The following AGMO variants were observed in gnomAD, a reference collection of about 807,000 sequenced individuals.
AGMO encodes glyceryl-ether monooxygenase.
AGMO carries 75 observed loss-of-function variants against 60.2 expected under a neutral mutation model. That is an observed-to-expected ratio of 1.25 (90% confidence interval 1.03 to 1.51). The LOEUF (loss-of-function observed/expected upper bound fraction) is 1.51, where lower values mean the gene tolerates loss of function less well. Among genes scored for constraint, AGMO ranks in the 40% most tolerant of loss-of-function variants. AGMO has a pLI of 0.00. For synonymous variants in AGMO, 261 were observed against 177.1 expected (o/e 1.47, Z -3.76); for missense variants, 763 against 525.5 (o/e 1.45, Z -4.42).
rs1415535257 is a variant in AGMO, at chr7:15,354,357, C to CGTGTGTATATAGAT, written c.1263+11156_1263+11157insATCTATATACACAC. On this transcript the variant is annotated intron_variant, in intron 12 of 12. Transcript: ENST00000342526. ...GTGTATATACACGCGTGTATATAGA[C>CGTGTGTATATAGAT]GTGTGTATATAGACGTGTGTATACA... Among the ~76,000 whole-genome samples, 3 of 74,682 alleles carry CGTGTGTATATAGAT rather than the reference C, an allele frequency of 4.0e-5. 1 individual carries two copies. Among genetic ancestry groups the CGTGTGTATATAGAT allele is most frequent in the African/African-American group, 1.4e-4 (2 of 14,206 alleles). The allele number at this position is 74,682 out of a possible 152,430, so 49.0% of individuals were successfully genotyped here. A position where few individuals can be genotyped will look rare whatever the true frequency, so the allele number is the denominator to read the frequency against.
chr7:15,439,482 C>G (rs1781491232), intron 3 of AGMO, among the ~76,000 whole-genome samples: 1 of 152,200 alleles, frequency 6.6e-6, no homozygotes, highest in Non-Finnish European at 1.5e-5. Context: ...TCATTCTTCA[C>G]TTTGTACTCT....
At chr7:15,256,760 G>A (rs1022802429) in intron 12 of AGMO, among the ~76,000 whole-genome samples, 2 of 152,136 alleles carry the variant, frequency 1.3e-5, no homozygotes, top group Non-Finnish European at 2.9e-5. Flanking sequence ...TGTCGCCTGG[G>A]AGCAATAGGC....
chr7:15,313,181 G>A (rs1780818372), intron 12 of AGMO, among the ~76,000 whole-genome samples: 1 of 152,122 alleles, frequency 6.6e-6, no homozygotes, highest in Non-Finnish European at 1.5e-5. Context: ...TCGATGTTTT[G>A]TAACAATAAA....
At chr7:15,500,250 C>A (rs1783346169) in intron 3 of AGMO, among the ~76,000 whole-genome samples, 1 of 151,720 alleles carries the variant, frequency 6.6e-6, no homozygotes, top group Non-Finnish European at 1.5e-5. Context: ...TAAACTGAGT[C>A]TTTTGAGTGT....
chr7:15,290,902 T>C (rs1393355334), intron 12 of AGMO, among the ~76,000 whole-genome samples: 1 of 152,194 alleles, frequency 6.6e-6, no homozygotes, highest in African/African-American at 2.4e-5. Context: ...TCAATTTATT[T>C]TTCCAGGGGT....
the AGMO span, among the ~76,000 whole-genome samples, chr7:15,170,123 G>A: frequency 6.6e-6 from 1 of 152,184 alleles, no homozygotes; most frequent in Non-Finnish European, 1.5e-5. Context: ...TGTAATTAAT[G>A]CTGACATCTG....
intron 3 of AGMO, among the ~76,000 whole-genome samples, chr7:15,508,406 A>G (rs904911578): frequency 3.3e-5 from 5 of 152,158 alleles, no homozygotes; most frequent in African/African-American, 1.2e-4. Flanking sequence ...ATCGGAGGCT[A>G]TAGTGGGTTG....
chr7:15,506,740 A>G (rs1783521489), intron 3 of AGMO, among the ~76,000 whole-genome samples: 1 of 152,024 alleles, frequency 6.6e-6, no homozygotes, highest in Admixed American at 6.6e-5. Context: ...GAAGATTCAG[A>G]TAAAAGTGGG....
chr7:15,476,756 T>C (rs994375666), intron 3 of AGMO, among the ~76,000 whole-genome samples: 8 of 152,110 alleles, frequency 5.3e-5, no homozygotes, highest in Non-Finnish European at 1.2e-4. Flanking sequence ...CCAAATATTA[T>C]GAAACACGGG....
At chr7:15,413,245 A>T (rs1040848484) in intron 5 of AGMO, among the ~76,000 whole-genome samples, 1 of 152,204 alleles carries the variant, frequency 6.6e-6, no homozygotes, top group Non-Finnish European at 1.5e-5. Flanking sequence ...AGTAGGTAAA[A>T]GATTAAATAA....
chr7:15,485,594 A>T (rs1483568505), intron 3 of AGMO, among the ~76,000 whole-genome samples: 5 of 152,150 alleles, frequency 3.3e-5, no homozygotes, highest in Non-Finnish European at 7.4e-5. Flanking sequence ...CCATTTCTTC[A>T]AGCATAACAG....
intron 12 of AGMO, among the ~76,000 whole-genome samples, chr7:15,357,702 G>A (rs60762586): frequency 0.034 from 5,108 of 152,210 alleles, 321 homozygotes; most frequent in African/African-American, 0.12. Flanking sequence ...GAGGCTATGC[G>A]GACAGAAAAC....
At chr7:15,363,457 TTCC>T (rs1278852802) in intron 12 of AGMO, among the ~76,000 whole-genome samples, 13 of 152,182 alleles carry the variant, frequency 8.5e-5, no homozygotes, top group Non-Finnish European at 1.6e-4. Context: ...GATGTTATAC[TTCC>T]TCCTTTTACA....
At chr7:15,344,410 G>A (rs750683952) in intron 12 of AGMO, among the ~76,000 whole-genome samples, 38 of 152,144 alleles carry the variant, frequency 2.5e-4, no homozygotes, top group Admixed American at 6.5e-4. Flanking sequence ...CTTAAAATCT[G>A]GATGCTAGGC....
intron 5 of AGMO, among the ~76,000 whole-genome samples, chr7:15,401,742 A>T (rs1465400577): frequency 1.3e-5 from 2 of 152,168 alleles, no homozygotes; most frequent in Admixed American, 6.6e-5. Flanking sequence ...GAGAGGGAAA[A>T]ATCATAATAG....
At chr7:15,502,067 A>G (rs370084058) in intron 3 of AGMO, among the ~76,000 whole-genome samples, 2 of 152,074 alleles carry the variant, frequency 1.3e-5, no homozygotes, top group East Asian at 3.9e-4. Flanking sequence ...TTGGATGACA[A>G]TTATCCTGTT....
chr7:15,439,813 T>C (rs922649897), intron 3 of AGMO, among the ~76,000 whole-genome samples: 5 of 152,176 alleles, frequency 3.3e-5, no homozygotes, highest in African/African-American at 4.8e-5. Context: ...CGTGATATAG[T>C]GTGAAACATG....
chr7:15,389,838 G>A (rs73679498), intron 8 of AGMO, among the ~76,000 whole-genome samples: 1,941 of 152,252 alleles, frequency 0.013, 37 homozygotes, highest in African/African-American at 0.044. Flanking sequence ...CTGCTGCGCT[G>A]TTAGCAGTGC....
intron 5 of AGMO, among the ~76,000 whole-genome samples, chr7:15,401,775 T>A (rs73066583): frequency 0.17 from 25,263 of 152,106 alleles, 2,239 homozygotes; most frequent in Non-Finnish European, 0.21. Flanking sequence ...CTAAAAAGCA[T>A]GTGTTTTACA....
Sources: allele counts gnomAD v4.1 joint callset (sites outside exome capture counted in the v4.1 genomes callset), GRCh38; gene constraint gnomAD v4.1.1; transcripts MANE v1.5; gene names NCBI Gene and HGNC (gene_info 2026-07-23, HGNC 2026-07-21).